Variants in ATP2A2 observed in about 807,000 individuals in gnomAD.
The protein encoded by ATP2A2 is sarcoplasmic/endoplasmic reticulum calcium ATPase 2.
A neutral mutation model predicts 109.3 loss-of-function variants in ATP2A2; 14 were observed. The ratio of observed to expected loss-of-function variants is 0.13; its 90% CI spans 0.08 to 0.20. The LOEUF (loss-of-function observed/expected upper bound fraction) is 0.20. Among genes scored for constraint, ATP2A2 ranks in the 10% least tolerant of loss-of-function variants. The pLI is 1.00. For synonymous variants in ATP2A2, 506 were observed against 490.9 expected (o/e 1.03, Z -0.41); for missense variants, 657 against 1,321.6 (o/e 0.50, Z 7.80).
chr12:110,294,137 G>A (rs181052878), intron 4 of ATP2A2, among the ~76,000 whole-genome samples: 184 of 151,588 alleles, frequency 1.2e-3, no homozygotes, highest in Non-Finnish European at 2.3e-3. Context: ...TCCGCCTCCC[G>A]GGCTCACGCC....
At chr12:110,332,395 C>T (rs536220778) in intron 8 of ATP2A2, 23 of 596,484 alleles carry the variant, frequency 3.9e-5, no homozygotes, top group South Asian at 9.4e-5. Context: ...GTGTGATGGG[C>T]GAAGCAGTCT....
chr12:110,350,375 A>G lies in ATP2A2; in HGVS notation c.*3905A>G. 4 of 1,612,316 alleles carry G rather than the reference A, an allele frequency of 2.5e-6. No homozygotes were observed. The highest frequency in any genetic ancestry group is 4.5e-5 in the East Asian group (2 of 44,882). On this transcript the variant is annotated 3_prime_UTR_variant, in exon 20 of 20. Transcript: ENST00000539276. The stretch of plus-strand genomic sequence containing the variant: ...CGTGCATGTGCGTTTTTAGCAACAC[A>G]TCTACCAACCCTGTGCATGACTGAT...
At chr12:110,317,110 T>A (rs979770987) in intron 5 of ATP2A2, among the ~76,000 whole-genome samples, 1 of 152,168 alleles carries the variant, frequency 6.6e-6, no homozygotes, top group African/African-American at 2.4e-5. Flanking sequence ...ATGAAGAATT[T>A]CATTCAGTCT....
intron 9 of ATP2A2, 74 bp from the exon 10 acceptor site, chr12:110,333,107 C>CCG: frequency 8.0e-7 from 1 of 1,245,794 alleles, no homozygotes; most frequent in African/African-American, 1.5e-5. Context: ...TAAACAATTG[C>CCG]GGGGGGGCAG....
At chr12:110,292,524 C>G (rs1344932689) in intron 4 of ATP2A2, among the ~76,000 whole-genome samples, 1 of 152,190 alleles carries the variant, frequency 6.6e-6, no homozygotes, top group Non-Finnish European at 1.5e-5. Context: ...CCTCCTCAGC[C>G]TCCCAAAGTG....
At chr12:110,322,240 A>G (rs1566225432) in intron 5 of ATP2A2, among the ~76,000 whole-genome samples, 1 of 152,254 alleles carries the variant, frequency 6.6e-6, no homozygotes, top group Non-Finnish European at 1.5e-5. Context: ...GTATGAATTA[A>G]TTACATGTTA....
In ATP2A2 at chr12:110,349,433, G is replaced by A; in HGVS notation, c.*2963G>A. The A allele has an allele frequency of 2.0e-6, 2 of 985,518 alleles. No individual in the cohort carries two copies. The highest frequency in any genetic ancestry group is 2.4e-6 in the Non-Finnish European group (2 of 829,980). The allele number at this position is 985,518 out of a possible 1,614,324, so 61.0% of individuals were successfully genotyped here. A position where few individuals can be genotyped will look rare whatever the true frequency, so the allele number is the denominator to read the frequency against. ...CCCGTGCCTCCCTTGGCCTCTCTGA[G>A]CTTTGCCCAGAAGACCAACAATCAT... On this transcript the variant is annotated 3_prime_UTR_variant, in exon 20 of 20. Transcript: ENST00000539276.
chr12:110,344,162 C>T (rs930851482), intron 16 of ATP2A2, among the ~76,000 whole-genome samples: 2 of 152,154 alleles, frequency 1.3e-5, no homozygotes, highest in Non-Finnish European at 2.9e-5. Flanking sequence ...CATATCCGGA[C>T]ATGCGTAGTG....
At chr12:110,345,433 A>C (rs757723254) in intron 18 of ATP2A2, 51 bp downstream of exon 18, 2 of 1,611,564 alleles carry the variant, frequency 1.2e-6, no homozygotes, top group Admixed American at 3.3e-5. Flanking sequence ...CTGCCAGGGC[A>C]CCGGGGAATT....
rs374537943 is a variant in ATP2A2, at chr12:110,333,307, G to A, written c.1287+24G>A. On this transcript the variant is annotated intron_variant, in intron 10 of 19. Coordinates refer to ENST00000539276, the MANE Select transcript of ATP2A2 (RefSeq NM_170665.4). Reference sequence around the variant, plus strand: ...AGGTAAGTCTCTTCATAAATTAGAAGGAATGGCTGTTCCTAGTTCAAGGGT... The same window carrying A: ...AGGTAAGTCTCTTCATAAATTAGAAAGAATGGCTGTTCCTAGTTCAAGGGT... The A allele has an allele frequency of 2.5e-6, 4 of 1,575,794 alleles. No homozygotes were observed. In the South Asian group the frequency reaches 3.3e-5, roughly 13 times the overall value.
intron 5 of ATP2A2, among the ~76,000 whole-genome samples, chr12:110,309,339 G>A (rs1167863162): frequency 6.6e-6 from 1 of 151,004 alleles, no homozygotes; most frequent in Non-Finnish European, 1.5e-5. Flanking sequence ...TGTATTTTTA[G>A]TAGAGACAGG....
chr12:110,304,000 A>G (rs1874973367), intron 5 of ATP2A2, among the ~76,000 whole-genome samples: 1 of 152,112 alleles, frequency 6.6e-6, no homozygotes, highest in East Asian at 1.9e-4. Context: ...TTTTCCTCCC[A>G]CCAGTTCCTG....
chr12:110,295,359 G>A, intron 4 of ATP2A2, among the ~76,000 whole-genome samples: 1 of 151,874 alleles, frequency 6.6e-6, no homozygotes, highest in Non-Finnish European at 1.5e-5. Context: ...ACACTGTCTC[G>A]TTATGTTCAG....
At position 110,348,825 on chromosome 12, in the gene ATP2A2, G is replaced by A. The variant is rs963431877; in HGVS notation, c.*2355G>A. The A allele has an allele frequency of 1.1e-5, 11 of 985,390 alleles. No individual in the cohort carries two copies. Among genetic ancestry groups the A allele is most frequent in the Non-Finnish European group, 1.3e-5 (11 of 830,012 alleles). The allele number at this position is 985,390 out of a possible 1,614,324, so 61.0% of individuals were successfully genotyped here. On this transcript the variant is annotated 3_prime_UTR_variant, in exon 20 of 20. Transcript: ENST00000539276. The stretch of plus-strand genomic sequence containing the variant: ...GGCAGGGGGTAAATTTTGCCAGTTT[G>A]AGCATCATGAGGTGTAACAAGAAAT...
At chr12:110,287,113 C>T (rs1872735201) in intron 3 of ATP2A2, among the ~76,000 whole-genome samples, 2 of 151,990 alleles carry the variant, frequency 1.3e-5, no homozygotes, top group Admixed American at 1.3e-4. Flanking sequence ...ATTAGCCAGG[C>T]GTGGTGGTGG....
At position 110,332,832 on chromosome 12, in the gene ATP2A2, A is replaced by G; in HGVS notation, c.1184+147A>G. On this transcript the variant is annotated intron_variant, in intron 9 of 19. Coordinates refer to ENST00000539276, the MANE Select transcript of ATP2A2 (RefSeq NM_170665.4). Reference sequence around the variant, plus strand: ...CTAAAGTAGTAAATGTTTTTAAAACAAAAACTTTGAAAGATGAACCAAAGG... The same window carrying G: ...CTAAAGTAGTAAATGTTTTTAAAACGAAAACTTTGAAAGATGAACCAAAGG... 35 of 816,622 alleles carry G rather than the reference A, an allele frequency of 4.3e-5. No individual in the cohort carries two copies. The South Asian group carries it at 5.0e-4, about 12-fold the overall frequency. 50.6% of individuals were successfully genotyped at this position (816,622 alleles called of 1,614,324 possible).
Position 110,348,928 on chromosome 12 carries a change from G to GCAAA in ATP2A2, c.*2463_*2466dup. 1 of 985,458 alleles carries GCAAA rather than the reference G, an allele frequency of 1.0e-6. No individual in the cohort carries two copies. Among genetic ancestry groups the GCAAA allele is most frequent in the South Asian group, 4.7e-5 (1 of 21,288 alleles). The allele number at this position is 985,458 out of a possible 1,614,324, so 61.0% of individuals were successfully genotyped here. A position where few individuals can be genotyped will look rare whatever the true frequency, so the allele number is the denominator to read the frequency against. Reference sequence around the variant, plus strand: ...GAGTGCTGCACTATTGCTATTCCGTGCAAACAAAACTCAGCTTTTCCTGAC... The same window carrying GCAAA: ...GAGTGCTGCACTATTGCTATTCCGTGCAAACAAACAAAACTCAGCTTTTCCTGAC... On this transcript the variant is annotated 3_prime_UTR_variant, in exon 20 of 20. Transcript: ENST00000539276.
In ATP2A2 at chr12:110,351,037, T is replaced by C. The variant is rs1880345241; in HGVS notation, c.*4567T>C. 6.6e-6 allele frequency: 1 copy of C among 152,530 alleles called. No individual in the cohort carries two copies. The highest frequency in any genetic ancestry group is 2.4e-5 in the African/African-American group (1 of 41,472). The allele number at this position is 152,530 out of a possible 1,614,324, so 9.4% of individuals were successfully genotyped here. On this transcript the variant is annotated 3_prime_UTR_variant, in exon 20 of 20. Coordinates refer to ENST00000539276, the MANE Select transcript of ATP2A2 (RefSeq NM_170665.4). ...ATCAGTTTGTTTCTTTCTGTGCTGGTAACAATGAGCGTCGCACAGACATGG... is the reference window on the plus strand; with the variant it reads ...ATCAGTTTGTTTCTTTCTGTGCTGGCAACAATGAGCGTCGCACAGACATGG...
In ATP2A2 at chr12:110,291,871, C is replaced by T; in HGVS notation, c.220-149C>T. ...CCATGTTGGGCAGGTTGGTCTGGAA[C>T]TCTTGACCTCAGGTGATCGCCTGCC... On this transcript the variant is annotated intron_variant, in intron 3 of 19. Transcript: ENST00000539276. 8.3e-6 allele frequency: 6 copies of T among 726,010 alleles called. No homozygotes were observed. In the South Asian group the frequency reaches 8.8e-5, roughly 11 times the overall value. The allele number at this position is 726,010 out of a possible 1,614,324, so 45.0% of individuals were successfully genotyped here. A position where few individuals can be genotyped will look rare whatever the true frequency, so the allele number is the denominator to read the frequency against.
Sources: gnomAD v4.1 joint callset for allele counts (sites outside exome capture counted in the v4.1 genomes callset) on GRCh38, gnomAD v4.1.1 for gene constraint, MANE v1.5 for transcripts, NCBI Gene and HGNC (gene_info 2026-07-23, HGNC 2026-07-21) for gene names.